FMN1: variants seen among roughly 807,000 people sequenced by gnomAD.
FMN1 encodes formin 1.
Under a neutral mutation model 132.4 loss-of-function variants are expected in FMN1, and 110 were observed. The observed-to-expected ratio is 0.83, with a 90% confidence interval of 0.71 to 0.97. The LOEUF (loss-of-function observed/expected upper bound fraction) is 0.97, where lower values mean the gene tolerates loss of function less well. Ranked by LOEUF, FMN1 falls within the 50% of genes least tolerant of loss-of-function variation. The probability of loss-of-function intolerance (pLI) is 0.00; values close to 1 mark genes in which losing one functional copy is unlikely to be tolerated. For synonymous variants in FMN1, 722 were observed against 651.7 expected (o/e 1.11, Z -1.64); for missense variants, 1,792 against 1,705.3 (o/e 1.05, Z -0.90).
intron 16 of FMN1, among the ~76,000 whole-genome samples, chr15:32,869,678 G>A (rs141386620): frequency 1.3e-5 from 2 of 152,258 alleles, no homozygotes; most frequent in African/African-American, 2.4e-5. Context: ...CAAACCCTGG[G>A]GCATGTGCAC....
At chr15:32,829,006 G>A (rs74011843) in intron 17 of FMN1, among the ~76,000 whole-genome samples, 30,906 of 152,074 alleles carry the variant, frequency 0.2, 3,520 homozygotes, top group East Asian at 0.51. Context: ...TCATCCCCTA[G>A]AGGAAAGACA....
chr15:32,836,024 C>A (rs1470870772), intron 17 of FMN1, among the ~76,000 whole-genome samples: 2 of 151,942 alleles, frequency 1.3e-5, no homozygotes, highest in African/African-American at 2.4e-5. Context: ...CATGGCCCAG[C>A]CAGTTTTTAA....
intron 17 of FMN1, among the ~76,000 whole-genome samples, chr15:32,806,113 T>C (rs1307553475): frequency 6.6e-6 from 1 of 152,244 alleles, no homozygotes; most frequent in Non-Finnish European, 1.5e-5. Context: ...TGTTATGTTA[T>C]TATGTAACAT....
At chr15:33,106,597 C>G in intron 4 of FMN1, among the ~76,000 whole-genome samples, 1 of 152,166 alleles carries the variant, frequency 6.6e-6, no homozygotes, top group South Asian at 2.1e-4. Context: ...CTCCTGAGTT[C>G]ACTGTTCACT....
intron 15 of FMN1, among the ~76,000 whole-genome samples, chr15:32,897,482 G>A (rs990279334): frequency 2.0e-5 from 3 of 152,258 alleles, no homozygotes; most frequent in Admixed American, 1.3e-4. Flanking sequence ...TAGAGACAAA[G>A]ATACTTTCAG....
chr15:33,074,493 G>A (rs545746354), intron 5 of FMN1, among the ~76,000 whole-genome samples: 9 of 152,284 alleles, frequency 5.9e-5, no homozygotes, highest in African/African-American at 2.2e-4. Context: ...CTGTGATTAA[G>A]GGCTTTTTTC....
At chr15:32,952,304 C>T (rs1197064149) in intron 9 of FMN1, among the ~76,000 whole-genome samples, 1 of 152,222 alleles carries the variant, frequency 6.6e-6, no homozygotes, top group African/African-American at 2.4e-5. Context: ...AAGCAACCAT[C>T]TCAACGTCTC....
intron 5 of FMN1, among the ~76,000 whole-genome samples, chr15:33,083,843 G>A (rs755243647): frequency 5.3e-5 from 8 of 152,098 alleles, no homozygotes; most frequent in Admixed American, 1.3e-4. Flanking sequence ...TCATAAAGAA[G>A]CCAGCCAAAA....
intron 9 of FMN1, among the ~76,000 whole-genome samples, chr15:32,931,249 G>A (rs1222174864): frequency 6.6e-6 from 1 of 152,068 alleles, no homozygotes; most frequent in Non-Finnish European, 1.5e-5. Flanking sequence ...ATTTTAAGAG[G>A]AACTGCACTG....
chr15:32,969,402 C>G lies in FMN1; in HGVS notation c.2299G>C (p.Glu767Gln). 1.2e-6 allele frequency: 2 copies of G among 1,613,966 alleles called. No homozygotes were observed. The highest frequency in any genetic ancestry group is 4.5e-5 in the East Asian group (2 of 44,876). The change falls in exon 8 of 21, where the codon GAA (glutamate) becomes CAA (glutamine). Residue 767 changes from glutamate to glutamine, a missense_variant. This residue lies in a region of FMN1 where 1,150 missense variants were observed against 1,043.1 expected (regional missense o/e 1.10). Coordinates refer to ENST00000616417, the MANE Select transcript of FMN1 (RefSeq NM_001277313.2). ...MITARLEETI[E>Q]NLKHELEHRW... Reference sequence around the variant, plus strand: ...TGTTCTAGCTCGTGTTTCAGATTTTCAATGGTTTCTTCTAGTCTCGCTGTT... The same window carrying G: ...TGTTCTAGCTCGTGTTTCAGATTTTGAATGGTTTCTTCTAGTCTCGCTGTT...
intron 5 of FMN1, chr15:33,066,555 G>A (rs199556271): frequency 1.1e-4 from 170 of 1,606,256 alleles, no homozygotes; most frequent in Admixed American, 8.6e-5. Context: ...GAATTGGACC[G>A]TTCAAACACA....
chr15:33,175,260 G>A (rs1275330510), intron 3 of FMN1, among the ~76,000 whole-genome samples: 1 of 152,064 alleles, frequency 6.6e-6, no homozygotes, highest in East Asian at 1.9e-4. Flanking sequence ...TTACAGCCAG[G>A]GTTTTGCCAT....
At chr15:32,850,417 A>G (rs2058982512) in intron 17 of FMN1, among the ~76,000 whole-genome samples, 1 of 152,120 alleles carries the variant, frequency 6.6e-6, no homozygotes, top group South Asian at 2.1e-4. Context: ...TATGCCCAAC[A>G]TAGAAAGATG....
chr15:32,816,341 C>T (rs893604066), intron 17 of FMN1, among the ~76,000 whole-genome samples: 5 of 152,050 alleles, frequency 3.3e-5, no homozygotes, highest in African/African-American at 9.7e-5. Context: ...CCTAAAGTTA[C>T]GTCAAAAGGT....
intron 17 of FMN1, among the ~76,000 whole-genome samples, chr15:32,834,431 C>T (rs1417061775): frequency 6.6e-6 from 1 of 152,138 alleles, no homozygotes; most frequent in Admixed American, 6.5e-5. Flanking sequence ...TAGCTCTGTT[C>T]CCTTGCCCTT....
At chr15:32,783,863 G>A (rs74011967) in intron 19 of FMN1, among the ~76,000 whole-genome samples, 1,787 of 151,572 alleles carry the variant, frequency 0.012, 33 homozygotes, top group African/African-American at 0.041. Flanking sequence ...AAAGCCTATG[G>A]GCATACTGTG....
intron 9 of FMN1, among the ~76,000 whole-genome samples, chr15:32,953,726 C>T (rs1362588730): frequency 6.6e-6 from 1 of 152,132 alleles, no homozygotes; most frequent in Non-Finnish European, 1.5e-5. Flanking sequence ...TGGAGGGCCA[C>T]CCCAGCACAA....
At chr15:32,910,681 C>T (rs1398606389) in intron 10 of FMN1, 146 bp from the exon 11 acceptor site, 1 of 651,964 alleles carries the variant, frequency 1.5e-6, no homozygotes, top group East Asian at 2.8e-5. Context: ...CTTCCTTTCG[C>T]ACCAGGGGTC....
chr15:32,801,687 C>A (rs1442608554), intron 18 of FMN1, among the ~76,000 whole-genome samples: 1 of 152,170 alleles, frequency 6.6e-6, no homozygotes, highest in Admixed American at 6.5e-5. Flanking sequence ...CCCAGCCACT[C>A]AGGAAGCTGA....
Sources: gnomAD v4.1 joint callset for allele counts (sites outside exome capture counted in the v4.1 genomes callset) on GRCh38, gnomAD v4.1.1 for gene constraint, gnomAD v4.1.1 regional missense constraint, MANE v1.5 for transcripts, NCBI Gene and HGNC (gene_info 2026-07-23, HGNC 2026-07-21) for gene names.